CTNND2: variants seen among roughly 807,000 people sequenced by gnomAD.
CTNND2 encodes the protein catenin delta 2.
In CTNND2, 22 loss-of-function variants were observed where a neutral mutation model predicts 144.4. The observed-to-expected ratio is 0.15, with a 90% CI of 0.11 to 0.22. CTNND2 has a LOEUF of 0.22. CTNND2 is among the 10% of genes least tolerant of loss of function. CTNND2 has a pLI of 1.00. For missense variants in CTNND2, 1,353 were observed against 1,618.8 expected, an observed-to-expected ratio of 0.84 and a Z score of 2.82; for synonymous variants, 751 against 695.6, an observed-to-expected ratio of 1.08 and a Z score of -1.25.
At chr5:11,576,452 C>T (rs1777979553) in intron 2 of CTNND2, among the ~76,000 whole-genome samples, 1 of 149,872 alleles carries the variant, frequency 6.7e-6, no homozygotes, top group Admixed American at 6.6e-5. Flanking sequence ...TATTACAGTA[C>T]AGTTATATTA....
chr5:11,513,646 A>G (rs1771862401), intron 3 of CTNND2, among the ~76,000 whole-genome samples: 1 of 152,148 alleles, frequency 6.6e-6, no homozygotes, highest in African/African-American at 2.4e-5. Context: ...GATGACTTAA[A>G]TATCTTTTTG....
intron 1 of CTNND2, among the ~76,000 whole-genome samples, chr5:11,736,191 A>C (rs1787675158): frequency 6.6e-6 from 1 of 152,200 alleles, no homozygotes; most frequent in East Asian, 1.9e-4. Flanking sequence ...TTTTTATAAA[A>C]TGTAACTCTT....
At chr5:11,398,858 C>G (rs1243354064) in intron 5 of CTNND2, among the ~76,000 whole-genome samples, 1 of 152,088 alleles carries the variant, frequency 6.6e-6, no homozygotes, top group Admixed American at 6.5e-5. Context: ...GTGCCAGGAA[C>G]GTATTGTCCC....
At chr5:11,335,527 G>C (rs560512003) in intron 9 of CTNND2, among the ~76,000 whole-genome samples, 1 of 152,222 alleles carries the variant, frequency 6.6e-6, no homozygotes, top group African/African-American at 2.4e-5. Context: ...GAATAAATAA[G>C]GACTTTGAGG....
chr5:11,709,136 C>T (rs542568183), intron 2 of CTNND2, among the ~76,000 whole-genome samples: 3 of 152,254 alleles, frequency 2.0e-5, no homozygotes, highest in Non-Finnish European at 2.9e-5. Context: ...TAGGTTTCTG[C>T]GTTTATGTGT....
At chr5:11,662,016 C>T (rs192821383) in intron 2 of CTNND2, among the ~76,000 whole-genome samples, 91 of 150,542 alleles carry the variant, frequency 6.0e-4, no homozygotes, top group African/African-American at 2.2e-3. Context: ...CACATATATA[C>T]ACACACACAT....
At chr5:11,200,130 C>T (rs1012909427) in intron 10 of CTNND2, among the ~76,000 whole-genome samples, 7 of 152,142 alleles carry the variant, frequency 4.6e-5, no homozygotes, top group South Asian at 2.1e-4. Flanking sequence ...AGAAGCGAAA[C>T]GAGAGACTGG....
intron 3 of CTNND2, among the ~76,000 whole-genome samples, chr5:11,473,685 G>A (rs992912335): frequency 6.6e-6 from 1 of 152,314 alleles, no homozygotes. Flanking sequence ...GAAGGACACA[G>A]CAGGTGTGTC....
intron 1 of CTNND2, among the ~76,000 whole-genome samples, chr5:11,759,463 C>T (rs1396621203): frequency 6.6e-6 from 1 of 151,976 alleles, no homozygotes; most frequent in African/African-American, 2.4e-5. Context: ...CTCAATTATG[C>T]AAACATGGTA....
intron 3 of CTNND2, among the ~76,000 whole-genome samples, chr5:11,458,581 G>A (rs1765933371): frequency 6.6e-6 from 1 of 152,276 alleles, no homozygotes; most frequent in Non-Finnish European, 1.5e-5. Context: ...CAGGAAGAGC[G>A]CAAATCCTGC....
At chr5:11,481,939 T>G (rs1189568847) in intron 3 of CTNND2, among the ~76,000 whole-genome samples, 1 of 152,156 alleles carries the variant, frequency 6.6e-6, no homozygotes, top group Non-Finnish European at 1.5e-5. Context: ...ATTACGCCAT[T>G]TCTTTCTTAA....
chr5:11,110,206 G>A (rs1349685053), intron 14 of CTNND2, among the ~76,000 whole-genome samples: 1 of 152,116 alleles, frequency 6.6e-6, no homozygotes, highest in African/African-American at 2.4e-5. Context: ...CTGCCTAGCG[G>A]CCTTCGTTTT....
intron 2 of CTNND2, among the ~76,000 whole-genome samples, chr5:11,666,672 G>A (rs1783584288): frequency 6.6e-6 from 1 of 152,072 alleles, no homozygotes; most frequent in Non-Finnish European, 1.5e-5. Flanking sequence ...TAACGTATGA[G>A]GGAAGGAAAC....
chr5:11,627,587 G>A (rs1380809022), intron 2 of CTNND2, among the ~76,000 whole-genome samples: 1 of 151,894 alleles, frequency 6.6e-6, no homozygotes, highest in African/African-American at 2.4e-5. Flanking sequence ...TCACAATGTG[G>A]AAATAGTATT....
intron 7 of CTNND2, among the ~76,000 whole-genome samples, chr5:11,375,779 A>C (rs1370148139): frequency 6.6e-6 from 1 of 152,216 alleles, no homozygotes; most frequent in Admixed American, 6.5e-5. Context: ...TCTAGTACAG[A>C]AAGTCAATTT....
At chr5:11,074,608 T>C (rs1003379485) in intron 16 of CTNND2, among the ~76,000 whole-genome samples, 1 of 152,214 alleles carries the variant, frequency 6.6e-6, no homozygotes. Flanking sequence ...GATTCCATTA[T>C]AAAGCTTTAT....
chr5:11,471,533 G>C (rs1327282587), intron 3 of CTNND2, among the ~76,000 whole-genome samples: 2 of 152,110 alleles, frequency 1.3e-5, no homozygotes, highest in African/African-American at 4.8e-5. Context: ...TCTAGTAATA[G>C]AATAATGGTT....
rs1212352809 is a variant in CTNND2, at chr5:11,282,743, GAAC to G, written c.1629-45923_1629-45921del. On this transcript the variant is annotated intron_variant, in intron 9 of 21. Coordinates refer to ENST00000304623, the MANE Select transcript of CTNND2 (RefSeq NM_001332.4). Reference sequence around the variant, plus strand: ...TTAAATCTTGCATTGAATATTTATAGAACAATAAGCCATGAGTAAGTGCAATGC... The same window carrying G: ...TTAAATCTTGCATTGAATATTTATAGAATAAGCCATGAGTAAGTGCAATGC... 2.6e-5 allele frequency among the ~76,000 whole-genome samples: 4 copies of G among 152,292 alleles called. No individual in the cohort carries two copies. The East Asian group carries it at 7.7e-4, about 29-fold the overall frequency.
intron 3 of CTNND2, among the ~76,000 whole-genome samples, chr5:11,431,961 GC>G (rs1207209242): frequency 2.6e-5 from 4 of 152,020 alleles, no homozygotes; most frequent in Admixed American, 6.6e-5. Flanking sequence ...TTATATGTCT[GC>G]ATTTTATTTT....
Sources: allele counts gnomAD v4.1 joint callset (sites outside exome capture counted in the v4.1 genomes callset), GRCh38; gene constraint gnomAD v4.1.1; transcripts MANE v1.5; gene names NCBI Gene and HGNC (gene_info 2026-07-23, HGNC 2026-07-21).